IGF1R: variants seen among roughly 807,000 people sequenced by gnomAD.
IGF1R encodes the protein insulin-like growth factor 1 receptor.
IGF1R carries 44 observed loss-of-function variants against 144.6 expected under a neutral mutation model. That is an observed-to-expected ratio of 0.30 (90% CI 0.24 to 0.39). IGF1R has a LOEUF of 0.39. Among genes scored for constraint, IGF1R ranks in the 10% least tolerant of loss-of-function variants. The pLI is 1.00. For missense variants in IGF1R, 1,355 were observed against 1,833.7 expected (o/e 0.74, Z 4.77); for synonymous variants, 795 against 722.8 (o/e 1.10, Z -1.60).
chr15:98,794,476 A>G (rs1039963093), intron 2 of IGF1R, among the ~76,000 whole-genome samples: 2 of 152,172 alleles, frequency 1.3e-5, no homozygotes, highest in African/African-American at 2.4e-5. Context: ...TGCGCCTTCC[A>G]TGTAGCTCAG....
At chr15:98,898,663 T>G (rs1596411914) in intron 4 of IGF1R, among the ~76,000 whole-genome samples, 1 of 152,276 alleles carries the variant, frequency 6.6e-6, no homozygotes, top group African/African-American at 2.4e-5. Flanking sequence ...TTATTAAATA[T>G]GTCTTCATAA....
At chr15:98,772,232 G>C (rs558078119) in intron 2 of IGF1R, among the ~76,000 whole-genome samples, 21 of 152,136 alleles carry the variant, frequency 1.4e-4, no homozygotes, top group African/African-American at 5.1e-4. Context: ...AACAAAATTG[G>C]TGAAATACCA....
chr15:98,780,325 T>A (rs930522717), intron 2 of IGF1R, among the ~76,000 whole-genome samples: 2 of 150,396 alleles, frequency 1.3e-5, no homozygotes, highest in Non-Finnish European at 3.0e-5. Context: ...CTGAGGCGGG[T>A]GGATCACCTG....
intron 1 of IGF1R, among the ~76,000 whole-genome samples, chr15:98,670,234 G>A (rs2052853813): frequency 6.6e-6 from 1 of 152,176 alleles, no homozygotes; most frequent in East Asian, 1.9e-4. Flanking sequence ...CACTGGGAAA[G>A]AGCCCTGGAA....
chr15:98,957,080 TG>T lies in IGF1R; in HGVS notation c.3743del (p.Cys1248SerfsTer8). On this transcript the variant is annotated frameshift_variant, in exon 21 of 21. Transcript: ENST00000650285. LOFTEE classifies it high-confidence loss of function. ...CTGCAGGTTTGAACTGATGCGCATG[TG>T]CTGGCAGTATAACCCCAAGATGAGG... ...PDMLFELMRM[C>X]WQYNPKMRPS... 1 of 1,614,220 alleles carries T rather than the reference TG, an allele frequency of 6.2e-7. No individual in the cohort carries two copies. Among genetic ancestry groups the T allele is most frequent in the East Asian group, 2.2e-5 (1 of 44,878 alleles).
intron 1 of IGF1R, among the ~76,000 whole-genome samples, chr15:98,679,627 C>T (rs2053137765): frequency 6.6e-6 from 1 of 152,166 alleles, no homozygotes; most frequent in Admixed American, 6.5e-5. Flanking sequence ...TGTGCGGTAC[C>T]TAATACTTGA....
In IGF1R at chr15:98,648,620, A is replaced by AG. The variant is rs893392420; in HGVS notation, c.-959dup. Reference sequence around the variant, plus strand: ...TTAACTCCGCTGAGCGGAAAAAAAAAGGGAAAAAACCCGAGGAGGAGCGAG... The same window carrying AG: ...TTAACTCCGCTGAGCGGAAAAAAAAAGGGGAAAAAACCCGAGGAGGAGCGAG... On this transcript the variant is annotated 5_prime_UTR_variant, in exon 1 of 21. Transcript: ENST00000650285. Among the ~76,000 whole-genome samples the AG allele has an allele frequency of 2.1e-5, 3 of 144,442 alleles. No homozygotes were observed. The highest frequency in any genetic ancestry group is 4.6e-5 in the Non-Finnish European group (3 of 65,568). The allele number at this position is 144,442 out of a possible 152,430, so 94.8% of individuals were successfully genotyped here. A position where few individuals can be genotyped will look rare whatever the true frequency, so the allele number is the denominator to read the frequency against.
At position 98,948,658 on chromosome 15, in the gene IGF1R, C is replaced by T. The variant is rs764671728; in HGVS notation, c.3672C>T (p.Phe1224=). The T allele has an allele frequency of 1.1e-5, 17 of 1,614,044 alleles. No individual in the cohort carries two copies. The highest frequency in any genetic ancestry group is 1.3e-5 in the African/African-American group (1 of 74,920). The change falls in exon 20 of 21, where the codon TTC becomes TTT. Residue 1224 remains phenylalanine (F), a synonymous_variant. Transcript: ENST00000650285. ...QGLSNEQVLR[F]VMEGGLLDKP... ...TGTCCAACGAGCAAGTCCTTCGCTT[C>T]GTCATGGAGGGCGGCCTTCTGGACA...
At chr15:98,741,168 A>G (rs1249731261) in intron 2 of IGF1R, among the ~76,000 whole-genome samples, 1 of 135,020 alleles carries the variant, frequency 7.4e-6, no homozygotes, top group Non-Finnish European at 1.5e-5. Flanking sequence ...TGACATGTCC[A>G]TTTTCCTTTC....
chr15:98,884,377 T>G (rs775955756), intron 2 of IGF1R, among the ~76,000 whole-genome samples: 2 of 152,164 alleles, frequency 1.3e-5, no homozygotes, highest in African/African-American at 4.8e-5. Context: ...ACTGAGCTGA[T>G]CTTTCTGTAC....
chr15:98,793,307 T>G (rs1053284573), intron 2 of IGF1R, among the ~76,000 whole-genome samples: 1 of 152,252 alleles, frequency 6.6e-6, no homozygotes, highest in African/African-American at 2.4e-5. Context: ...TCTTGTGTTG[T>G]CAATAAACAA....
At chr15:98,698,186 C>G (rs1015275587) in intron 1 of IGF1R, among the ~76,000 whole-genome samples, 1 of 151,646 alleles carries the variant, frequency 6.6e-6, no homozygotes, top group African/African-American at 2.4e-5. Flanking sequence ...TTACAGGCGC[C>G]AGGCACCATG....
At chr15:98,869,008 A>T (rs922186125) in intron 2 of IGF1R, among the ~76,000 whole-genome samples, 11 of 152,292 alleles carry the variant, frequency 7.2e-5, no homozygotes, top group African/African-American at 2.6e-4. Context: ...ATTCCTGGGG[A>T]AACCTGCAAA....
chr15:98,733,763 C>A (rs1351096386), intron 2 of IGF1R, among the ~76,000 whole-genome samples: 2 of 152,168 alleles, frequency 1.3e-5, no homozygotes. Flanking sequence ...ACTTCTGTTT[C>A]TGAAATCACA....
chr15:98,782,921 TC>T (rs1280723390), intron 2 of IGF1R, among the ~76,000 whole-genome samples: 1 of 152,232 alleles, frequency 6.6e-6, no homozygotes, highest in African/African-American at 2.4e-5. Flanking sequence ...AGATAGGATT[TC>T]TAAATAGAGA....
At chr15:98,865,095 A>C (rs543673482) in intron 2 of IGF1R, among the ~76,000 whole-genome samples, 1 of 152,308 alleles carries the variant, frequency 6.6e-6, no homozygotes, top group South Asian at 2.1e-4. Context: ...TGCTGGACCA[A>C]AGAGGACTCC....
At chr15:98,805,871 A>G (rs1489949945) in intron 2 of IGF1R, among the ~76,000 whole-genome samples, 2 of 152,162 alleles carry the variant, frequency 1.3e-5, no homozygotes, top group African/African-American at 4.8e-5. Context: ...CCAGACACCA[A>G]CTGGGGGCCT....
chr15:98,744,258 G>C (rs181339639), intron 2 of IGF1R, among the ~76,000 whole-genome samples: 46 of 152,122 alleles, frequency 3.0e-4, no homozygotes, highest in African/African-American at 1.1e-3. Context: ...GAAAGCATGC[G>C]AGTGTGATGG....
intron 5 of IGF1R, among the ~76,000 whole-genome samples, chr15:98,902,341 T>C (rs1322277227): frequency 1.3e-5 from 2 of 152,158 alleles, no homozygotes. Flanking sequence ...CCTAAATATT[T>C]TCCCCTCACA....
Sources: gnomAD v4.1 joint callset for allele counts (sites outside exome capture counted in the v4.1 genomes callset) on GRCh38, gnomAD v4.1.1 for gene constraint, MANE v1.5 for transcripts, NCBI Gene and HGNC (gene_info 2026-07-23, HGNC 2026-07-21) for gene names.